The following NCAM1 variants were observed in gnomAD, a reference collection of about 807,000 sequenced individuals.
The protein encoded by NCAM1 is antigen recognized by monoclonal antibody 5.1H11.
A neutral mutation model predicts 109.8 loss-of-function variants in NCAM1; 14 were observed. That is an observed-to-expected ratio of 0.13 (90% CI 0.08 to 0.20). The LOEUF is 0.20. Among genes scored for constraint, NCAM1 ranks in the 10% least tolerant of loss-of-function variants. NCAM1 has a pLI of 1.00. For missense variants in NCAM1, 774 were observed against 1,109.9 expected, an observed-to-expected ratio of 0.70 and a Z score of 4.30; for synonymous variants, 418 against 442.9, an observed-to-expected ratio of 0.94 and a Z score of 0.70.
At chr11:113,082,277 C>T (rs1283060576) in intron 1 of NCAM1, among the ~76,000 whole-genome samples, 1 of 152,176 alleles carries the variant, frequency 6.6e-6, no homozygotes, top group Non-Finnish European at 1.5e-5. Flanking sequence ...CTTAAGGCTA[C>T]TTGGTATTTA....
intron 9 of NCAM1, among the ~76,000 whole-genome samples, chr11:113,230,339 G>A (rs1555116977): frequency 2.0e-5 from 3 of 152,196 alleles, no homozygotes; most frequent in Non-Finnish European, 4.4e-5. Flanking sequence ...TTGCAGAAAT[G>A]GGCAGCCATG....
intron 1 of NCAM1, among the ~76,000 whole-genome samples, chr11:112,988,637 A>G (rs1951374256): frequency 6.6e-6 from 1 of 151,924 alleles, no homozygotes; most frequent in Non-Finnish European, 1.5e-5. Flanking sequence ...TTCTGGTTTT[A>G]ATGTTTATGG....
chr11:113,219,121 G>A (rs1944615008), intron 8 of NCAM1, among the ~76,000 whole-genome samples: 1 of 152,158 alleles, frequency 6.6e-6, no homozygotes, highest in South Asian at 2.1e-4. Flanking sequence ...GCCTTATTAA[G>A]GAAAGGAGAG....
chr11:113,045,844 G>GA (rs782181783), intron 1 of NCAM1, among the ~76,000 whole-genome samples: 2 of 143,708 alleles, frequency 1.4e-5, no homozygotes, highest in African/African-American at 5.3e-5. Flanking sequence ...GGATAAAAGA[G>GA]TTTTTTTTTT....
intron 1 of NCAM1, among the ~76,000 whole-genome samples, chr11:113,152,423 A>G (rs1406800334): frequency 5.9e-5 from 9 of 152,250 alleles, no homozygotes; most frequent in Non-Finnish European, 1.3e-4. Flanking sequence ...AAGCCAATAT[A>G]TGAAACAAAT....
rs1241559323 is a variant in NCAM1 at position 113,199,594 on chromosome 11, T to C, written c.53-2785T>C. 3.5e-5 allele frequency among the ~76,000 whole-genome samples: 5 copies of C among 144,892 alleles called. No homozygotes were observed. In the Admixed American group the frequency reaches 3.5e-4, roughly 10 times the overall value. On this transcript the variant is annotated intron_variant, in intron 1 of 19. Coordinates refer to ENST00000316851, the MANE Select transcript of NCAM1 (RefSeq NM_181351.5). ...GGATAACTCTTCCTTTAAAAACTTC[T>C]GTGATGGGAAGGGGAACATCACGCT...
At chr11:113,202,178 C>T (rs1555111926) in intron 1 of NCAM1, among the ~76,000 whole-genome samples, 1 of 152,204 alleles carries the variant, frequency 6.6e-6, no homozygotes, top group African/African-American at 2.4e-5. Flanking sequence ...TCTGGCTGCA[C>T]ATGGCCCTGG....
At chr11:112,972,969 C>T (rs1950922317) in intron 1 of NCAM1, among the ~76,000 whole-genome samples, 1 of 152,034 alleles carries the variant, frequency 6.6e-6, no homozygotes, top group South Asian at 2.1e-4. Context: ...TGATGAGCAA[C>T]CTTTGCAAAG....
At chr11:113,020,065 T>C (rs1017563149) in intron 1 of NCAM1, among the ~76,000 whole-genome samples, 2 of 152,170 alleles carry the variant, frequency 1.3e-5, no homozygotes, top group African/African-American at 4.8e-5. Flanking sequence ...TTCTCAAGGA[T>C]CCTCCAAGTC....
intron 1 of NCAM1, among the ~76,000 whole-genome samples, chr11:113,026,563 C>T (rs970495206): frequency 2.6e-5 from 4 of 152,082 alleles, no homozygotes; most frequent in Non-Finnish European, 5.9e-5. Context: ...AAATCAGAAG[C>T]AAACATTGTA....
chr11:113,216,340 G>A (rs1944530571), intron 8 of NCAM1, among the ~76,000 whole-genome samples: 1 of 151,718 alleles, frequency 6.6e-6, no homozygotes, highest in African/African-American at 2.4e-5. Flanking sequence ...TTTTAGTAGA[G>A]ACGGGGTTTC....
chr11:112,977,588 A>T (rs1358964941), intron 1 of NCAM1, among the ~76,000 whole-genome samples: 1 of 151,920 alleles, frequency 6.6e-6, no homozygotes, highest in Non-Finnish European at 1.5e-5. Flanking sequence ...TTGGAAAAAA[A>T]TTAATACATT....
In NCAM1 at chr11:113,263,490, C is replaced by A. The variant is rs782494160; in HGVS notation, c.2131+3167C>A. On this transcript the variant is annotated intron_variant, in intron 17 of 19. Coordinates refer to ENST00000316851, the MANE Select transcript of NCAM1 (RefSeq NM_181351.5). ...TGACATGATGGGCAACTGAAGTCAC[C>A]CCTGTTGCCCATGCACTGGAAAAAA... is the stretch of plus-strand genomic sequence containing the variant. 238 of 985,656 alleles carry A rather than the reference C, an allele frequency of 2.4e-4. 1 individual carries two copies. The highest frequency in any genetic ancestry group is 2.8e-4 in the Non-Finnish European group (229 of 830,216). 61.1% of individuals were successfully genotyped at this position (985,656 alleles called of 1,614,324 possible).
intron 16 of NCAM1, 134 bp from the exon 17 acceptor site, chr11:113,260,012 T>C (rs77029508): frequency 0.045 from 34,686 of 772,516 alleles, 1,179 homozygotes; most frequent in Admixed American, 0.069. Flanking sequence ...CCCCCATCAT[T>C]GCTTCTTATT....
chr11:112,985,164 A>G (rs78050436), intron 1 of NCAM1, among the ~76,000 whole-genome samples: 6,340 of 151,498 alleles, frequency 0.042, 443 homozygotes, highest in Admixed American at 0.14. Context: ...GTTGAAAATT[A>G]GGGCATATAA....
chr11:113,127,191 C>T (rs1411757173), intron 1 of NCAM1, among the ~76,000 whole-genome samples: 1 of 152,202 alleles, frequency 6.6e-6, no homozygotes, highest in Non-Finnish European at 1.5e-5. Flanking sequence ...CATTCCAGGG[C>T]TCTACCCCAG....
intron 16 of NCAM1, among the ~76,000 whole-genome samples, chr11:113,257,578 G>A (rs572610466): frequency 6.6e-6 from 1 of 152,304 alleles, no homozygotes; most frequent in South Asian, 2.1e-4. Flanking sequence ...ATGTCAGTTT[G>A]TCTGAGGAGC....
At chr11:113,251,308 G>A (rs1945670154) in intron 15 of NCAM1, among the ~76,000 whole-genome samples, 1 of 152,152 alleles carries the variant, frequency 6.6e-6, no homozygotes, top group African/African-American at 2.4e-5. Flanking sequence ...CTAACTCCTG[G>A]GGCTTCTGCT....
intron 1 of NCAM1, among the ~76,000 whole-genome samples, chr11:112,968,375 G>A (rs953448371): frequency 2.0e-5 from 3 of 152,276 alleles, no homozygotes; most frequent in Non-Finnish European, 4.4e-5. Context: ...AAGTAGTTTT[G>A]CCAGCTAAAG....
Sources: gnomAD v4.1 joint callset for allele counts (sites outside exome capture counted in the v4.1 genomes callset) on GRCh38, gnomAD v4.1.1 for gene constraint, MANE v1.5 for transcripts, NCBI Gene and HGNC (gene_info 2026-07-23, HGNC 2026-07-21) for gene names.